Variants in PTPRF observed in about 807,000 individuals in gnomAD.
PTPRF encodes protein tyrosine phosphatase receptor type F.
In PTPRF, 59 loss-of-function variants were observed where a neutral mutation model predicts 201.8. The ratio of observed to expected loss-of-function variants is 0.29; its 90% CI spans 0.24 to 0.36. The LOEUF (loss-of-function observed/expected upper bound fraction) is 0.36. PTPRF is among the 10% of genes least tolerant of loss of function. The pLI is 1.00. For missense variants in PTPRF, 2,132 were observed against 2,690.5 expected (o/e 0.79, Z 4.59); for synonymous variants, 1,088 against 1,089.7 (o/e 1.00, Z 0.03).
chr1:43,547,842 A>G (rs1186085782), intron 3 of PTPRF, among the ~76,000 whole-genome samples: 1 of 152,232 alleles, frequency 6.6e-6, no homozygotes, highest in African/African-American at 2.4e-5. Flanking sequence ...GCTGCAGCGC[A>G]GCTTCCCCAG....
upstream of PTPRF, among the ~76,000 whole-genome samples, chr1:43,525,492 G>C (rs1417709627): frequency 1.3e-5 from 2 of 152,106 alleles, no homozygotes; most frequent in African/African-American, 2.4e-5. Flanking sequence ...AAATGGAGGG[G>C]AAGAGTCATT....
rs1459855311 is a variant in PTPRF, at chr1:43,617,568, G to A, written c.4195G>A (p.Gly1399Ser). 4 of 1,613,780 alleles carry A rather than the reference G, an allele frequency of 2.5e-6. No individual in the cohort carries two copies. In the Admixed American group the frequency reaches 6.7e-5, roughly 27 times the overall value. The change falls in exon 24 of 34, where the codon GGC (glycine) becomes AGC (serine). Residue 1399 changes from glycine (G) to serine (S), a missense_variant and splice_region_variant. Gly to Ser is a moderately conservative substitution (Grantham distance 56). Around this residue, in one of 6 missense-constraint regions of PTPRF, gnomAD observed 818 missense variants for 915.3 expected, o/e 0.89. Transcript: ENST00000359947. ...TCGAGTCATCCTTACCTCTATCGAT[G>A]GTGAGCCAAGGGGGTGCCCCTCCCA... Reference protein sequence around the residue: ...HSRVILTSIDGVPGSDYINAN... With the variant: ...HSRVILTSIDSVPGSDYINAN...
intron 6 of PTPRF, chr1:43,576,058 C>A: frequency 1.3e-6 from 1 of 750,582 alleles, no homozygotes; most frequent in Non-Finnish European, 2.0e-6. Flanking sequence ...CCAGCTCCAG[C>A]ACCCCCAACA....
At chr1:43,578,604 C>T (rs909901675) in intron 6 of PTPRF, among the ~76,000 whole-genome samples, 1 of 152,154 alleles carries the variant, frequency 6.6e-6, no homozygotes, top group African/African-American at 2.4e-5. Context: ...AGATTGTGCT[C>T]CAAAGCACAA....
At position 43,617,471 on chromosome 1, in the gene PTPRF, G is replaced by T. The variant is rs1435716496; in HGVS notation, c.4098G>T (p.Thr1366=). 6.2e-7 allele frequency: 1 copy of T among 1,614,038 alleles called. No individual in the cohort carries two copies. The highest frequency in any genetic ancestry group is 1.3e-5 in the African/African-American group (1 of 74,916). ...YESIDPGQQF[T]WENSNLEVNK... The stretch of plus-strand genomic sequence containing the variant: ...CCATCGACCCTGGACAGCAGTTCAC[G>T]TGGGAGAATTCAAACCTGGAGGTGA... Residue 1366 remains threonine (T), a synonymous_variant, in exon 24 of 34, where the codon ACG becomes ACT. Coordinates refer to ENST00000359947, the MANE Select transcript of PTPRF (RefSeq NM_002840.5).
chr1:43,620,173 C>A lies in PTPRF; in HGVS notation c.5190C>A (p.His1730Gln), dbSNP rs145235828. ...ACTTCTGGCGCATGCTATGGGAGCA[C>A]AATTCCACCATCATCGTCATGCTGA... The part of the protein sequence containing the change: ...TEDFWRMLWE[H>Q]NSTIIVMLTK... Residue 1730 changes from histidine (H) to glutamine (Q), a missense_variant, in exon 30 of 34, where the codon CAC becomes CAA. By Grantham distance (24) the His-to-Gln change is conservative. Around this residue, in one of 6 missense-constraint regions of PTPRF, gnomAD observed 519 missense variants for 659.5 expected, o/e 0.79. Coordinates refer to ENST00000359947, the MANE Select transcript of PTPRF (RefSeq NM_002840.5). The A allele has an allele frequency of 8.0e-4, 1,286 of 1,614,128 alleles. 1 individual carries two copies. The highest frequency in any genetic ancestry group is 8.3e-4 in the Admixed American group (50 of 60,022).
chr1:43,546,061 C>G lies in PTPRF; in HGVS notation c.91+895C>G, dbSNP rs879312159. 6.6e-6 allele frequency among the ~76,000 whole-genome samples: 1 copy of G among 152,102 alleles called. No homozygotes were observed. The highest frequency in any genetic ancestry group is 1.5e-5 in the Non-Finnish European group (1 of 68,008). On this transcript the variant is annotated intron_variant, in intron 3 of 33. Coordinates refer to ENST00000359947, the MANE Select transcript of PTPRF (RefSeq NM_002840.5). This position sits in a 1 kb window ranked among gnomAD's most constrained non-coding sequence, Gnocchi z 4.2. The stretch of plus-strand genomic sequence containing the variant: ...GGGGCCGTTCCCAGCCTGTCCAGAG[C>G]CCAGGGGTGATCCAGGGCCAACCCT...
chr1:43,622,014 C>T lies in PTPRF; in HGVS notation c.*11C>T, dbSNP rs1237972970. The T allele has an allele frequency of 1.9e-6, 3 of 1,613,660 alleles. No individual in the cohort carries two copies. The highest frequency in any genetic ancestry group is 2.7e-5 in the African/African-American group (2 of 74,938). ...CACTATGCAACGTAACTACCGCTCC[C>T]CTCTCCTCCGCCACCCCCGCCGTGG... On this transcript the variant is annotated 3_prime_UTR_variant, in exon 34 of 34. Transcript: ENST00000359947.
intron 33 of PTPRF, among the ~76,000 whole-genome samples, chr1:43,621,566 T>C (rs1659221897): frequency 6.6e-6 from 1 of 152,142 alleles, no homozygotes; most frequent in Non-Finnish European, 1.5e-5. Context: ...GCCTGGGGGC[T>C]CAGGGGATTG....
At chr1:43,578,133 G>A (rs772540219) in intron 6 of PTPRF, among the ~76,000 whole-genome samples, 4 of 152,218 alleles carry the variant, frequency 2.6e-5, no homozygotes, top group African/African-American at 4.8e-5. Context: ...GCACTGGCCC[G>A]AGTGAGAGCT....
At chr1:43,570,037 A>C (rs1323761313) in intron 6 of PTPRF, among the ~76,000 whole-genome samples, 1 of 152,196 alleles carries the variant, frequency 6.6e-6, no homozygotes, top group Non-Finnish European at 1.5e-5. Context: ...GTGATGTGCC[A>C]GTGTGGTGGA....
chr1:43,552,144 C>T (rs557472509), intron 3 of PTPRF, among the ~76,000 whole-genome samples: 6 of 152,236 alleles, frequency 3.9e-5, no homozygotes, highest in African/African-American at 1.2e-4. Context: ...CCTCCCTTCC[C>T]GCCTCATCCT....
At chr1:43,577,432 T>TGC (rs1647001945) in intron 6 of PTPRF, among the ~76,000 whole-genome samples, 1 of 152,182 alleles carries the variant, frequency 6.6e-6, no homozygotes, top group South Asian at 2.1e-4. Flanking sequence ...AGGCTGGTCC[T>TGC]GTGTCCTGCA....
upstream of PTPRF, among the ~76,000 whole-genome samples, chr1:43,528,320 C>T (rs1404337703): frequency 6.6e-6 from 1 of 152,136 alleles, no homozygotes; most frequent in Non-Finnish European, 1.5e-5. Flanking sequence ...TCCCAAGTAG[C>T]TGGAATTACA....
rs1184329869 is a variant in PTPRF at position 43,554,831 on chromosome 1, C to CT, written c.379+898dup. On this transcript the variant is annotated intron_variant, in intron 5 of 33. Coordinates refer to ENST00000359947, the MANE Select transcript of PTPRF (RefSeq NM_002840.5). The surrounding 1 kb of genome is among the most constrained non-coding windows in gnomAD (Gnocchi z 4.1). Reference sequence around the variant, plus strand: ...AAAATATAGCATCGATTGTTGCTTGCTTTTTTTTCTTTTCTTTCTTTCTTT... The same window carrying CT: ...AAAATATAGCATCGATTGTTGCTTGCTTTTTTTTTCTTTTCTTTCTTTCTTT... Among the ~76,000 whole-genome samples the CT allele has an allele frequency of 1.3e-5, 2 of 150,906 alleles. No homozygotes were observed. Among genetic ancestry groups the CT allele is most frequent in the Non-Finnish European group, 3.0e-5 (2 of 67,748 alleles).
intron 16 of PTPRF, 73 bp from the exon 17 acceptor site, chr1:43,604,830 A>G (rs1201606581): frequency 7.6e-7 from 1 of 1,308,196 alleles, no homozygotes; most frequent in Non-Finnish European, 1.1e-6. Context: ...CTGGCCATTC[A>G]CCTTCCACCC....
At chr1:43,564,957 G>A (rs936978010) in intron 5 of PTPRF, among the ~76,000 whole-genome samples, 2 of 152,070 alleles carry the variant, frequency 1.3e-5, no homozygotes, top group Non-Finnish European at 2.9e-5. Flanking sequence ...TTTGTAGGGG[G>A]CCTCAGCAGC....
chr1:43,524,102 G>A (rs11577403), upstream of PTPRF, among the ~76,000 whole-genome samples: 41,166 of 148,714 alleles, frequency 0.28, 6,741 homozygotes, highest in Non-Finnish European at 0.37. Flanking sequence ...AAGAGAGGCC[G>A]GGAACTCAGG....
At chr1:43,526,367 G>A (rs1432349122), upstream of PTPRF, among the ~76,000 whole-genome samples, 1 of 152,112 alleles carries the variant, frequency 6.6e-6, no homozygotes, top group African/African-American at 2.4e-5. Flanking sequence ...GGCTGAGGCT[G>A]GAGGATCTCC....
Sources: allele counts gnomAD v4.1 joint callset (sites outside exome capture counted in the v4.1 genomes callset), GRCh38; gene constraint gnomAD v4.1.1; regional missense constraint gnomAD v4.1.1; non-coding constraint Gnocchi (gnomAD v3.1); transcripts MANE v1.5; gene names NCBI Gene and HGNC (gene_info 2026-07-23, HGNC 2026-07-21).